Variants in PSD3 observed in about 807,000 individuals in gnomAD.
PSD3 encodes the protein PH and SEC7 domain-containing protein 3.
In PSD3, 49 loss-of-function variants were observed where a neutral mutation model predicts 105.5. The ratio of observed to expected loss-of-function variants is 0.46; its 90% CI spans 0.37 to 0.59. The LOEUF is 0.59. Ranked by LOEUF, PSD3 falls within the 20% of genes least tolerant of loss-of-function variation. The pLI is 0.00. For missense variants in PSD3, 1,561 were observed against 1,263.8 expected (o/e 1.24, Z -3.57); for synonymous variants, 557 against 457.8 (o/e 1.22, Z -2.77).
chr8:18,652,940 G>A (rs1379093140), intron 10 of PSD3, among the ~76,000 whole-genome samples: 1 of 152,068 alleles, frequency 6.6e-6, no homozygotes, highest in African/African-American at 2.4e-5. Flanking sequence ...TAATAAATTG[G>A]GGTATTGGCC....
At chr8:18,808,848 AG>A in intron 4 of PSD3, 1 of 1,605,948 alleles carries the variant, frequency 6.2e-7, no homozygotes, top group Non-Finnish European at 8.5e-7. Flanking sequence ...AGTATTCTTC[AG>A]CTCCCAAGTT....
intron 2 of PSD3, among the ~76,000 whole-genome samples, chr8:18,926,836 C>T (rs148370714): frequency 3.9e-5 from 6 of 152,232 alleles, no homozygotes; most frequent in African/African-American, 1.4e-4. Context: ...GCATCAGATC[C>T]TACAGGTTGA....
At chr8:18,606,734 A>G (rs904951235) in intron 11 of PSD3, among the ~76,000 whole-genome samples, 1 of 152,164 alleles carries the variant, frequency 6.6e-6, no homozygotes, top group African/African-American at 2.4e-5. Flanking sequence ...GAAAAAGGCC[A>G]GAACATGAAT....
intron 9 of PSD3, among the ~76,000 whole-genome samples, chr8:18,688,244 T>C (rs1364332645): frequency 6.8e-6 from 1 of 147,090 alleles, no homozygotes; most frequent in Non-Finnish European, 1.5e-5. Context: ...CCTGGCACGA[T>C]CACGTCAGGC....
At chr8:18,656,016 T>C (rs945675482) in intron 9 of PSD3, among the ~76,000 whole-genome samples, 21 of 152,322 alleles carry the variant, frequency 1.4e-4, no homozygotes, top group African/African-American at 4.8e-4. Flanking sequence ...AAATATGGTC[T>C]TGTAGTTTCA....
chr8:18,977,783 A>G (rs1295905077), intron 1 of PSD3, among the ~76,000 whole-genome samples: 1 of 152,190 alleles, frequency 6.6e-6, no homozygotes, highest in African/African-American at 2.4e-5. Context: ...TGGATTATAA[A>G]TTATTTATAT....
At chr8:18,841,622 G>A (rs1351468898) in intron 4 of PSD3, among the ~76,000 whole-genome samples, 1 of 152,098 alleles carries the variant, frequency 6.6e-6, no homozygotes, top group African/African-American at 2.4e-5. Context: ...GGCTTCTCTG[G>A]TCTGTGCCCA....
At chr8:18,779,179 T>C (rs2129445099) in intron 8 of PSD3, among the ~76,000 whole-genome samples, 1 of 152,300 alleles carries the variant, frequency 6.6e-6, no homozygotes, top group Middle Eastern at 3.4e-3. Context: ...GGCCAAATAT[T>C]GGTAGTTTCC....
chr8:18,547,026 A>G (rs139295106), intron 15 of PSD3, among the ~76,000 whole-genome samples: 225 of 152,222 alleles, frequency 1.5e-3, no homozygotes, highest in African/African-American at 4.6e-3. Context: ...GTTTCTCTAG[A>G]CAGGGGCAGG....
intron 15 of PSD3, among the ~76,000 whole-genome samples, chr8:18,545,264 A>G (rs758396890): frequency 6.6e-5 from 10 of 152,198 alleles, no homozygotes; most frequent in Admixed American, 2.0e-4. Context: ...TCTAGGTGGA[A>G]AACTCAAGAA....
At chr8:18,932,858 C>T (rs773934881) in intron 2 of PSD3, among the ~76,000 whole-genome samples, 1 of 152,160 alleles carries the variant, frequency 6.6e-6, no homozygotes, top group Non-Finnish European at 1.5e-5. Context: ...AAATGCTCTC[C>T]CCACAAAACT....
intron 4 of PSD3, among the ~76,000 whole-genome samples, chr8:18,837,266 T>A (rs1256174860): frequency 6.6e-6 from 1 of 152,188 alleles, no homozygotes; most frequent in African/African-American, 2.4e-5. Context: ...TCTGGGTCAC[T>A]CTGTAGACCA....
intron 1 of PSD3, among the ~76,000 whole-genome samples, chr8:19,083,648 G>C (rs1318167703): frequency 6.6e-6 from 1 of 151,338 alleles, no homozygotes; most frequent in Middle Eastern, 3.4e-3. Flanking sequence ...CTGTGCTCCG[G>C]TTCTGGAAAC....
At chr8:18,816,654 A>T (rs1316501294) in intron 4 of PSD3, among the ~76,000 whole-genome samples, 1 of 152,218 alleles carries the variant, frequency 6.6e-6, no homozygotes, top group Non-Finnish European at 1.5e-5. Flanking sequence ...CTAGGGGTGC[A>T]GCCTTGCCCT....
intron 12 of PSD3, 36 bp downstream of exon 12, chr8:18,600,328 C>A: frequency 6.5e-7 from 1 of 1,540,038 alleles, no homozygotes; most frequent in South Asian, 1.1e-5. Flanking sequence ...ATTATTTCAT[C>A]GAGTTTTGTG....
intron 1 of PSD3, among the ~76,000 whole-genome samples, chr8:19,070,385 A>AAC (rs1829213842): frequency 7.2e-6 from 1 of 138,838 alleles, no homozygotes; most frequent in Non-Finnish European, 1.6e-5. Flanking sequence ...AAAAAAAAAA[A>AAC]CCCACAAAAA....
rs186577457 is a variant in PSD3 at position 18,605,729 on chromosome 8, G to T, written c.2411-5295C>A. On this transcript the variant is annotated intron_variant, in intron 11 of 15. Coordinates refer to ENST00000327040, the MANE Select transcript of PSD3 (RefSeq NM_015310.4). ...AGGTGGGGCCTGGTGGGAGGTAATT[G>T]GATCATGATTCATCAATGGTTTAGC... Among the ~76,000 whole-genome samples the T allele has an allele frequency of 8.7e-4, 133 of 152,208 alleles. 1 individual carries two copies. The highest frequency in any genetic ancestry group is 2.7e-3 in the African/African-American group (114 of 41,528).
At chr8:18,848,338 G>A (rs760148438) in intron 4 of PSD3, among the ~76,000 whole-genome samples, 29 of 152,250 alleles carry the variant, frequency 1.9e-4, no homozygotes, top group East Asian at 7.7e-4. Context: ...TACATACTGC[G>A]TAGGGCAACC....
intron 1 of PSD3, among the ~76,000 whole-genome samples, chr8:18,992,407 G>A (rs371483810): frequency 2.0e-5 from 3 of 152,142 alleles, no homozygotes; most frequent in Non-Finnish European, 2.9e-5. Context: ...GCTTGGAAGT[G>A]TCTGGCACAC....
Sources: gnomAD v4.1 joint callset for allele counts (sites outside exome capture counted in the v4.1 genomes callset) on GRCh38, gnomAD v4.1.1 for gene constraint, MANE v1.5 for transcripts, NCBI Gene and HGNC (gene_info 2026-07-23, HGNC 2026-07-21) for gene names.